Variants in PPP2R5C observed in about 807,000 individuals in gnomAD.
PPP2R5C encodes protein phosphatase 2 regulatory subunit B'gamma.
In PPP2R5C, 7 loss-of-function variants were observed where a neutral mutation model predicts 68.9. That is an observed-to-expected ratio of 0.10 (90% CI 0.06 to 0.19). The LOEUF (loss-of-function observed/expected upper bound fraction) is 0.19, where lower values mean the gene tolerates loss of function less well. Among genes scored for constraint, PPP2R5C ranks in the 10% least tolerant of loss-of-function variants. The pLI, the probability that PPP2R5C is intolerant of heterozygous loss-of-function variation, is 1.00. For missense variants in PPP2R5C, 348 were observed against 641.3 expected (o/e 0.54, Z 4.94); for synonymous variants, 210 against 222.2 (o/e 0.95, Z 0.49).
At chr14:101,787,766 CA>C (rs756927904) in intron 3 of PPP2R5C, among the ~76,000 whole-genome samples, 5,823 of 69,274 alleles carry the variant, frequency 0.084, 323 homozygotes, top group African/African-American at 0.26. Flanking sequence ...GACTCCATCT[CA>C]AAAAAAAAAA....
At chr14:101,869,097 A>T (rs2043246274) in intron 2 of PPP2R5C, among the ~76,000 whole-genome samples, 1 of 152,196 alleles carries the variant, frequency 6.6e-6, no homozygotes, top group Non-Finnish European at 1.5e-5. Context: ...CTTTGTAGTC[A>T]GAGCCTTCCC....
At position 101,916,753 on chromosome 14, in the gene PPP2R5C, G is replaced by A. The variant is rs1362684055; in HGVS notation, c.1327-1078G>A. On this transcript the variant is annotated intron_variant, in intron 12 of 13. Coordinates refer to ENST00000334743, the Ensembl canonical transcript of PPP2R5C. This position sits in a 1 kb window ranked among gnomAD's most constrained non-coding sequence, Gnocchi z 5.5. The stretch of plus-strand genomic sequence containing the variant: ...GCAGGGGTGAAGCAGGTCAGCAGGA[G>A]GGCGCTGCTGTGACAGGAGCTCAGC... 6.6e-6 allele frequency among the ~76,000 whole-genome samples: 1 copy of A among 152,120 alleles called. No homozygotes were observed. The highest frequency in any genetic ancestry group is 2.4e-5 in the African/African-American group (1 of 41,412).
intron 2 of PPP2R5C, among the ~76,000 whole-genome samples, chr14:101,764,030 G>GTGTGTGTGTGTGTGTGTGTGTGT (rs1462659583): frequency 2.7e-4 from 40 of 146,244 alleles, no homozygotes; most frequent in African/African-American, 9.1e-4. Flanking sequence ...TGTGTGTGTG[G>GTGTGTGTGTGTGTGTGTGTGTGT]GCGCGCGCAC....
chr14:101,808,583 A>G (rs2039173480), upstream of PPP2R5C, among the ~76,000 whole-genome samples: 1 of 152,334 alleles, frequency 6.6e-6, no homozygotes, highest in East Asian at 1.9e-4. Context: ...TACTCATTGA[A>G]TGTATCTGGC....
intron 1 of PPP2R5C, among the ~76,000 whole-genome samples, chr14:101,854,146 C>T (rs2140541473): frequency 6.6e-6 from 1 of 152,266 alleles, no homozygotes; most frequent in Non-Finnish European, 1.5e-5. Flanking sequence ...GTTGCACAGC[C>T]ACTGAGTTCT....
rs1238706396 is a variant in PPP2R5C at position 101,882,910 on chromosome 14, C to G, written c.406-347C>G. 9.1e-6 allele frequency: 2 copies of G among 220,354 alleles called. No homozygotes were observed. Among genetic ancestry groups the G allele is most frequent in the Non-Finnish European group, 1.8e-5 (2 of 112,872 alleles). The allele number at this position is 220,354 out of a possible 1,614,324, so 13.6% of individuals were successfully genotyped here. On this transcript the variant is annotated intron_variant, in intron 3 of 13. Coordinates refer to ENST00000334743, the Ensembl canonical transcript of PPP2R5C. This position sits in a 1 kb window ranked among gnomAD's most constrained non-coding sequence, Gnocchi z 4.9. ...TGCGCCTTGGCATTGTGGGACACTCCTAGGCGACAGGCTGCAAATCCCCCC... is the reference window on the plus strand; with the variant it reads ...TGCGCCTTGGCATTGTGGGACACTCGTAGGCGACAGGCTGCAAATCCCCCC...
At chr14:101,801,183 T>C (rs1315430544) in intron 3 of PPP2R5C, among the ~76,000 whole-genome samples, 1 of 152,206 alleles carries the variant, frequency 6.6e-6, no homozygotes, top group East Asian at 1.9e-4. Context: ...ATTTATTATA[T>C]ATTTCAAAGT....
intron 2 of PPP2R5C, among the ~76,000 whole-genome samples, chr14:101,866,746 T>A (rs2043091891): frequency 1.3e-5 from 2 of 152,164 alleles, no homozygotes; most frequent in African/African-American, 4.8e-5. Context: ...TTGGGTGGTA[T>A]CATTAATTTT....
intron 13 of PPP2R5C, 135 bp from the exon 16 acceptor site, chr14:101,925,006 C>T: frequency 2.0e-6 from 2 of 990,922 alleles, no homozygotes; most frequent in Non-Finnish European, 3.1e-6. Flanking sequence ...CGCCGTTTCC[C>T]TGTGGCCAGG....
At chr14:101,894,414 T>C (rs2045165467) in intron 7 of PPP2R5C, 93 bp from the exon 10 acceptor site, 1 of 1,214,138 alleles carries the variant, frequency 8.2e-7, no homozygotes, top group East Asian at 2.4e-5. Context: ...GTCCTTGTCT[T>C]GCTGTGGGAA....
intron 1 of PPP2R5C, among the ~76,000 whole-genome samples, chr14:101,823,368 C>A (rs867483714): frequency 1.3e-5 from 2 of 152,246 alleles, no homozygotes; most frequent in South Asian, 4.1e-4. Context: ...ATCCGGTATT[C>A]CAAGCATTAC....
At chr14:101,842,153 T>A (rs1177025505) in intron 1 of PPP2R5C, among the ~76,000 whole-genome samples, 2 of 152,206 alleles carry the variant, frequency 1.3e-5, no homozygotes, top group African/African-American at 4.8e-5. Flanking sequence ...TTTCCATGAA[T>A]AATAAAAATA....
chr14:101,921,924 C>T (rs919615477), intron 13 of PPP2R5C: 9 of 920,238 alleles, frequency 9.8e-6, no homozygotes, highest in Non-Finnish European at 1.2e-5. Flanking sequence ...TAGCAAATAT[C>T]ATGTGAATAA....
chr14:101,905,396 C>T (rs1354796404), intron 9 of PPP2R5C, among the ~76,000 whole-genome samples: 1 of 151,750 alleles, frequency 6.6e-6, no homozygotes, highest in Non-Finnish European at 1.5e-5. Context: ...TGGTAGCTCA[C>T]GCCTGTAATC....
At chr14:101,860,730 G>A (rs181755268) in intron 2 of PPP2R5C, among the ~76,000 whole-genome samples, 70 of 152,334 alleles carry the variant, frequency 4.6e-4, no homozygotes, top group Non-Finnish European at 8.8e-4. Flanking sequence ...TGGGTGTGAA[G>A]TGTACCTCAT....
chr14:101,857,784 G>T (rs929736589), intron 2 of PPP2R5C, among the ~76,000 whole-genome samples: 4 of 152,220 alleles, frequency 2.6e-5, no homozygotes. Context: ...TGGGGAGTCA[G>T]TGTGGCTTAG....
chr14:101,901,671 T>A (rs1279935579), intron 8 of PPP2R5C, 48 bp from the exon 11 acceptor site: 2 of 1,587,032 alleles, frequency 1.3e-6, no homozygotes, highest in South Asian at 1.1e-5. Flanking sequence ...CATGCAGGTG[T>A]TGGGGCCTCG....
At chr14:101,856,598 TA>T in intron 1 of PPP2R5C, 87 bp from the exon 4 acceptor site, 1 of 1,234,542 alleles carries the variant, frequency 8.1e-7, no homozygotes, top group Non-Finnish European at 1.2e-6. Context: ...CTATTCAAAA[TA>T]AAAATAGAAG....
chr14:101,893,203 T>C, intron 7 of PPP2R5C, 95 bp downstream of exon 9: 1 of 816,948 alleles, frequency 1.2e-6, no homozygotes, highest in African/African-American at 1.7e-5. Context: ...GAGTGCTTTC[T>C]TCTTTATAGG....
Sources: gnomAD v4.1 joint callset for allele counts (sites outside exome capture counted in the v4.1 genomes callset) on GRCh38, gnomAD v4.1.1 for gene constraint, Gnocchi (gnomAD v3.1) non-coding constraint, MANE v1.5 for transcripts, NCBI Gene and HGNC (gene_info 2026-07-23, HGNC 2026-07-21) for gene names.